The following SGK3 variants were observed in gnomAD, a reference collection of about 807,000 sequenced individuals.
SGK3 encodes the protein serine/threonine-protein kinase Sgk3.
SGK3 carries 47 observed loss-of-function variants against 68.5 expected under a neutral mutation model. The ratio of observed to expected loss-of-function variants is 0.69; its 90% confidence interval spans 0.54 to 0.87. SGK3 has a LOEUF of 0.87. SGK3 is among the 40% of genes least tolerant of loss of function. SGK3 has a pLI of 0.00. For synonymous variants in SGK3, 181 were observed against 189.1 expected, an observed-to-expected ratio of 0.96 and a Z score of 0.35; for missense variants, 479 against 575.5, an observed-to-expected ratio of 0.83 and a Z score of 1.72.
chr8:66,725,472 G>A (rs1585633968), intron 1 of SGK3, among the ~76,000 whole-genome samples: 1 of 151,546 alleles, frequency 6.6e-6, no homozygotes, highest in East Asian at 1.9e-4. Flanking sequence ...GGATGGGTGG[G>A]AAGCCGACTT....
intron 4 of SGK3, among the ~76,000 whole-genome samples, chr8:66,804,946 G>T (rs576384720): frequency 6.6e-6 from 1 of 152,202 alleles, no homozygotes; most frequent in African/African-American, 2.4e-5. Context: ...GGGCATGGTG[G>T]CGTGCACCTG....
intron 5 of SGK3, among the ~76,000 whole-genome samples, chr8:66,817,109 C>T (rs1022137572): frequency 2.0e-5 from 3 of 152,108 alleles, no homozygotes; most frequent in East Asian, 2.0e-4. Flanking sequence ...CATGAGCCAC[C>T]GTGCCCAGCA....
intron 5 of SGK3, 138 bp downstream of exon 5, chr8:66,814,066 C>G: frequency 1.8e-6 from 1 of 542,294 alleles, no homozygotes; most frequent in Middle Eastern, 5.0e-4. Context: ...TGAGCATTTT[C>G]TCCCTGATAC....
chr8:66,859,602 C>T lies in SGK3; in HGVS notation c.*21C>T. On this transcript the variant is annotated 3_prime_UTR_variant, in exon 17 of 17. Transcript: ENST00000521198. ...TGTGAGCAGTTTGCCATTCAGAAACCATTGAGCAAAATAAGTCTATAGATG... is the reference window on the plus strand; with the variant it reads ...TGTGAGCAGTTTGCCATTCAGAAACTATTGAGCAAAATAAGTCTATAGATG... 5 of 1,599,806 alleles carry T rather than the reference C, an allele frequency of 3.1e-6. No homozygotes were observed. The highest frequency in any genetic ancestry group is 3.4e-6 in the Non-Finnish European group (4 of 1,170,292).
At chr8:66,843,325 T>A in intron 13 of SGK3, 127 bp from the exon 14 acceptor site, 1 of 807,020 alleles carries the variant, frequency 1.2e-6, no homozygotes, top group South Asian at 1.7e-5. Context: ...TCCAACCCAC[T>A]GGAAATCTAG....
rs916690977 is a variant in SGK3 at position 66,851,052 on chromosome 8, C to T, written c.1320+132C>T. ...ACCTAAATATTTGTGAAATATGTCA[C>T]TCAGGGTTGTCTAGTATAACTAATA... On this transcript the variant is annotated intron_variant, in intron 16 of 16. Transcript: ENST00000521198. The T allele has an allele frequency of 1.0e-5, 10 of 958,842 alleles. No homozygotes were observed. In the African/African-American group the frequency reaches 1.5e-4, roughly 14 times the overall value. 59.4% of individuals were successfully genotyped at this position (958,842 alleles called of 1,614,324 possible). A position where few individuals can be genotyped will look rare whatever the true frequency, so the allele number is the denominator to read the frequency against.
At chr8:66,802,238 G>A (rs1807974244) in intron 3 of SGK3, among the ~76,000 whole-genome samples, 1 of 152,070 alleles carries the variant, frequency 6.6e-6, no homozygotes, top group East Asian at 1.9e-4. Context: ...CAGAAATCAG[G>A]TTGAACCTGG....
chr8:66,844,468 T>G (rs989998069), intron 14 of SGK3, among the ~76,000 whole-genome samples: 5 of 152,236 alleles, frequency 3.3e-5, no homozygotes, highest in African/African-American at 4.8e-5. Context: ...AATAAAGTTT[T>G]TTCACTACAT....
intron 6 of SGK3, among the ~76,000 whole-genome samples, chr8:66,826,689 C>T (rs372725048): frequency 2.0e-5 from 3 of 150,812 alleles, no homozygotes; most frequent in Non-Finnish European, 2.9e-5. Context: ...TTGTCACCCA[C>T]GGTGGAATGC....
intron 1 of SGK3, among the ~76,000 whole-genome samples, chr8:66,765,746 A>G (rs1268334875): frequency 2.6e-5 from 4 of 152,076 alleles, no homozygotes; most frequent in African/African-American, 7.2e-5. Flanking sequence ...GATTTTGGCC[A>G]GGCATGGTGG....
chr8:66,850,709 A>G (rs1810246691), intron 15 of SGK3, 122 bp from the exon 16 acceptor site: 1 of 853,910 alleles, frequency 1.2e-6, no homozygotes, highest in South Asian at 1.8e-5. Context: ...AATAACATAC[A>G]CATGTTCCTA....
At chr8:66,825,793 ATGT>A (rs2130681352) in intron 6 of SGK3, among the ~76,000 whole-genome samples, 1 of 152,300 alleles carries the variant, frequency 6.6e-6, no homozygotes, top group African/African-American at 2.4e-5. Flanking sequence ...TAGTGACTAG[ATGT>A]TGTCTTCAAA....
chr8:66,831,859 T>C (rs1427178775), intron 8 of SGK3, among the ~76,000 whole-genome samples: 1 of 152,104 alleles, frequency 6.6e-6, no homozygotes. Flanking sequence ...GTGTGCCAGA[T>C]ACCCTTCTGG....
intron 10 of SGK3, among the ~76,000 whole-genome samples, chr8:66,839,209 G>A (rs1809666117): frequency 1.3e-5 from 2 of 151,834 alleles, no homozygotes; most frequent in Admixed American, 1.3e-4. Flanking sequence ...GAAGCCAAGG[G>A]ACCCAGTGGA....
intron 3 of SGK3, among the ~76,000 whole-genome samples, chr8:66,801,158 T>C (rs1451707111): frequency 6.6e-6 from 1 of 152,240 alleles, no homozygotes; most frequent in Non-Finnish European, 1.5e-5. Flanking sequence ...TTTTTTCAAA[T>C]TTTGGAATAT....
intron 1 of SGK3, among the ~76,000 whole-genome samples, chr8:66,713,997 C>T (rs915502007): frequency 1.3e-5 from 2 of 152,218 alleles, no homozygotes; most frequent in African/African-American, 2.4e-5. Flanking sequence ...ACCTGAATGA[C>T]TTGTGTAACA....
At chr8:66,774,846 C>T (rs1806629665) in intron 1 of SGK3, among the ~76,000 whole-genome samples, 1 of 152,050 alleles carries the variant, frequency 6.6e-6, no homozygotes, top group Non-Finnish European at 1.5e-5. Flanking sequence ...CCTACCCCGC[C>T]CGAGGAAAAT....
At chr8:66,739,919 G>T (rs1273894393) in intron 1 of SGK3, among the ~76,000 whole-genome samples, 1 of 152,192 alleles carries the variant, frequency 6.6e-6, no homozygotes. Flanking sequence ...CATGAGAACA[G>T]CATGTGGGAA....
chr8:66,840,704 T>C (rs1809765500), intron 12 of SGK3: 1 of 218,610 alleles, frequency 4.6e-6, no homozygotes, highest in South Asian at 1.5e-4. Context: ...ACGCCTGTAG[T>C]CCCAGCACTT....
Sources: gnomAD v4.1 joint callset for allele counts (sites outside exome capture counted in the v4.1 genomes callset) on GRCh38, gnomAD v4.1.1 for gene constraint, MANE v1.5 for transcripts, NCBI Gene and HGNC (gene_info 2026-07-23, HGNC 2026-07-21) for gene names.